The following TENM2 variants were observed in gnomAD, a reference collection of about 807,000 sequenced individuals.
The protein encoded by TENM2 is teneurin-2.
Under a neutral mutation model 245.2 loss-of-function variants are expected in TENM2, and 52 were observed. That is an observed-to-expected ratio of 0.21 (90% CI 0.17 to 0.27). The LOEUF (loss-of-function observed/expected upper bound fraction) is 0.27, where lower values mean the gene tolerates loss of function less well. TENM2 is among the 10% of genes least tolerant of loss of function. The pLI is 1.00. For missense variants in TENM2, 3,046 were observed against 3,666.8 expected, an observed-to-expected ratio of 0.83 and a Z score of 4.37; for synonymous variants, 1,363 against 1,438.9, an observed-to-expected ratio of 0.95 and a Z score of 1.19.
At chr5:167,668,210 A>G (rs1232547993) in intron 2 of TENM2, among the ~76,000 whole-genome samples, 1 of 152,104 alleles carries the variant, frequency 6.6e-6, no homozygotes, top group African/African-American at 2.4e-5. Flanking sequence ...TGAGAGTTCA[A>G]GGTCACTGAA....
chr5:167,928,040 T>C (rs1777897503), intron 3 of TENM2, among the ~76,000 whole-genome samples: 1 of 152,202 alleles, frequency 6.6e-6, no homozygotes, highest in African/African-American at 2.4e-5. Context: ...GGTGGGTTGA[T>C]ACAGTTTATT....
At chr5:168,066,056 C>T (rs1225099748) in intron 7 of TENM2, among the ~76,000 whole-genome samples, 4 of 152,062 alleles carry the variant, frequency 2.6e-5, no homozygotes, top group Non-Finnish European at 5.9e-5. Flanking sequence ...CAGGGAAGCC[C>T]CAGCACAAAG....
chr5:167,427,791 GGGAA>G (rs1217595630), intron 2 of TENM2, among the ~76,000 whole-genome samples: 17 of 122,154 alleles, frequency 1.4e-4, no homozygotes, highest in Admixed American at 8.0e-5. Context: ...AGGGAAGGAA[GGGAA>G]GGAAGGAAGG....
At chr5:167,934,776 C>T in intron 3 of TENM2, 1 of 806,690 alleles carries the variant, frequency 1.2e-6, no homozygotes, top group Non-Finnish European at 1.5e-6. Flanking sequence ...CGGCTCCAGC[C>T]CATTCAGGGC....
chr5:167,092,047 A>G, the TENM2 span, among the ~76,000 whole-genome samples: 1 of 152,186 alleles, frequency 6.6e-6, no homozygotes, highest in African/African-American at 2.4e-5. Context: ...CAGAGGCCAC[A>G]TACAGGATTC....
intron 12 of TENM2, among the ~76,000 whole-genome samples, chr5:168,143,666 C>T (rs955844280): frequency 6.6e-6 from 1 of 151,994 alleles, no homozygotes; most frequent in Non-Finnish European, 1.5e-5. Context: ...GGAATCACAG[C>T]CTAAAGCACA....
chr5:168,042,184 C>G (rs1276926622), intron 5 of TENM2, among the ~76,000 whole-genome samples: 1 of 152,126 alleles, frequency 6.6e-6, no homozygotes. Flanking sequence ...TGCTGAGCCC[C>G]AAGACCCAGC....
the TENM2 span, among the ~76,000 whole-genome samples, chr5:167,256,327 C>G: frequency 6.6e-6 from 1 of 152,108 alleles, no homozygotes; most frequent in African/African-American, 2.4e-5. Context: ...TGGAAACTCT[C>G]CAGTTGTTAC....
At chr5:167,911,394 G>A (rs1317033076) in intron 3 of TENM2, among the ~76,000 whole-genome samples, 2 of 152,176 alleles carry the variant, frequency 1.3e-5, no homozygotes, top group Non-Finnish European at 2.9e-5. Flanking sequence ...GGGCGTGGTG[G>A]CGGGCGCCTG....
chr5:166,980,661 A>G, the TENM2 span, among the ~76,000 whole-genome samples: 2 of 152,142 alleles, frequency 1.3e-5, no homozygotes, highest in Admixed American at 1.3e-4. Flanking sequence ...TTTAGAAAGG[A>G]ATCAGTGTAT....
At chr5:167,321,490 C>T (rs1756718411) in intron 1 of TENM2, among the ~76,000 whole-genome samples, 1 of 152,106 alleles carries the variant, frequency 6.6e-6, no homozygotes, top group African/African-American at 2.4e-5. Flanking sequence ...TCACCAGCTT[C>T]AAGGTAAGAA....
At position 168,062,044 on chromosome 5, in the gene TENM2, C is replaced by CTTTTT; in HGVS notation, c.1310-8_1310-4dup. On this transcript the variant is annotated splice_polypyrimidine_tract_variant and intron_variant, in intron 6 of 28. Transcript: ENST00000518659. ...ACACGTCATTGACTGCTGTTTATTC[C>CTTTTT]TTTTTTTTTTTTCAGTGCCCTGGTC... The CTTTTT allele has an allele frequency of 6.8e-7, 1 of 1,481,016 alleles. No individual in the cohort carries two copies. Among genetic ancestry groups the CTTTTT allele is most frequent in the Admixed American group, 1.9e-5 (1 of 52,762 alleles). 91.7% of individuals were successfully genotyped at this position (1,481,016 alleles called of 1,614,324 possible). A position where few individuals can be genotyped will look rare whatever the true frequency, so the allele number is the denominator to read the frequency against.
At chr5:168,040,407 A>G (rs1788082614) in intron 5 of TENM2, among the ~76,000 whole-genome samples, 1 of 152,182 alleles carries the variant, frequency 6.6e-6, no homozygotes, top group Non-Finnish European at 1.5e-5. Context: ...TGGAGCTGCA[A>G]GCTGGAAGTC....
In TENM2 at chr5:168,247,091, T is replaced by C; in HGVS notation, c.6152T>C (p.Met2051Thr). The C allele has an allele frequency of 6.2e-7, 1 of 1,613,938 alleles. No homozygotes were observed. Among genetic ancestry groups the C allele is most frequent in the Non-Finnish European group, 8.5e-7 (1 of 1,179,882 alleles). Residue 2051 changes from methionine to threonine, a missense_variant, in exon 27 of 29, where the codon ATG (methionine) becomes ACG (threonine). Transcript: ENST00000518659. The surrounding 1 kb of genome is among the most constrained non-coding windows in gnomAD (Gnocchi z 7.8). Reference sequence around the variant, plus strand: ...GACGAGACCACTGGTGTCTTGAAGATGGTCAACCTCCAAAGTGGGGGCTTC... The same window carrying C: ...GACGAGACCACTGGTGTCTTGAAGACGGTCAACCTCCAAAGTGGGGGCTTC...
intron 12 of TENM2, among the ~76,000 whole-genome samples, chr5:168,135,545 A>T (rs1418413601): frequency 6.6e-6 from 1 of 152,176 alleles, no homozygotes; most frequent in Non-Finnish European, 1.5e-5. Context: ...AGACCCACAA[A>T]AGGTAACCAC....
chr5:168,103,072 C>A (rs1210138879), intron 9 of TENM2, among the ~76,000 whole-genome samples: 2 of 151,740 alleles, frequency 1.3e-5, no homozygotes, highest in African/African-American at 4.8e-5. Context: ...TGCTGTTCCC[C>A]TTCCTGTGTC....
chr5:167,272,605 C>T, the TENM2 span, among the ~76,000 whole-genome samples: 1 of 152,098 alleles, frequency 6.6e-6, no homozygotes, highest in African/African-American at 2.4e-5. Context: ...AACCCTTTCC[C>T]CTACTCCCTT....
exon 10 of TENM2, chr5:168,118,296 C>T (rs1487679864): frequency 1.3e-6 from 2 of 1,563,982 alleles, no homozygotes; most frequent in South Asian, 2.4e-5. Flanking sequence ...GTGCAGCTGC[C>T]TGCCCTGTCC....
intron 6 of TENM2, 149 bp downstream of exon 8, chr5:168,047,698 C>T: frequency 1.0e-6 from 1 of 993,346 alleles, no homozygotes; most frequent in Non-Finnish European, 1.5e-6. Context: ...CATAGGTGCC[C>T]CCATTAAAAG....
Sources: allele counts gnomAD v4.1 joint callset (sites outside exome capture counted in the v4.1 genomes callset), GRCh38; gene constraint gnomAD v4.1.1; non-coding constraint Gnocchi (gnomAD v3.1); transcripts MANE v1.5; gene names NCBI Gene and HGNC (gene_info 2026-07-23, HGNC 2026-07-21).